Variants in SPATA16 observed in about 807,000 individuals in gnomAD.
The protein encoded by SPATA16 is spermatogenesis-associated protein 16.
A neutral mutation model predicts 63.3 loss-of-function variants in SPATA16; 36 were observed. That is an observed-to-expected ratio of 0.57 (90% CI 0.44 to 0.75). SPATA16 has a LOEUF of 0.75. Among genes scored for constraint, SPATA16 ranks in the 30% least tolerant of loss-of-function variants. SPATA16 has a pLI of 0.00. For synonymous variants in SPATA16, 203 were observed against 216.7 expected (o/e 0.94, Z 0.56); for missense variants, 646 against 679.3 (o/e 0.95, Z 0.54).
rs535078817 is a variant in SPATA16, at chr3:173,076,168, T to C, written c.613-27074A>G. ...AACTAGTATGGTGTATTTCTATTTA[T>C]ATGTTACCCATGTTACTTTTAAGTT... On this transcript the variant is annotated intron_variant, in intron 2 of 10. Transcript: ENST00000351008. Among the ~76,000 whole-genome samples, 6 of 152,260 alleles carry C rather than the reference T, an allele frequency of 3.9e-5. No homozygotes were observed. In the East Asian group the frequency reaches 7.7e-4, roughly 20 times the overall value.
At chr3:172,932,606 A>C (rs1436009069) in intron 6 of SPATA16, among the ~76,000 whole-genome samples, 1 of 152,192 alleles carries the variant, frequency 6.6e-6, no homozygotes, top group Non-Finnish European at 1.5e-5. Context: ...CTTGGAAGTT[A>C]TCCACAAATT....
chr3:172,935,492 T>C (rs966827879), intron 6 of SPATA16, among the ~76,000 whole-genome samples: 5 of 152,202 alleles, frequency 3.3e-5, no homozygotes, highest in Non-Finnish European at 7.3e-5. Flanking sequence ...TTTTGATAAA[T>C]AATTTGATTA....
At chr3:173,022,108 G>A (rs1158361555) in intron 3 of SPATA16, among the ~76,000 whole-genome samples, 2 of 151,980 alleles carry the variant, frequency 1.3e-5, no homozygotes, top group Non-Finnish European at 2.9e-5. Flanking sequence ...AGGCAGAGAA[G>A]ATTTTTGTGA....
rs1736878961 is a variant in SPATA16, at chr3:173,079,491, T to C, written c.613-30397A>G. Among the ~76,000 whole-genome samples the C allele has an allele frequency of 2.0e-5, 3 of 152,234 alleles. No homozygotes were observed. The South Asian group carries it at 6.2e-4, about 31-fold the overall frequency. On this transcript the variant is annotated intron_variant, in intron 2 of 10. Transcript: ENST00000351008. ...GGTTACATAAATTGTATTTCTTACT[T>C]TTTAAATGCAATATGGAAGTAAAAG... is the stretch of plus-strand genomic sequence containing the variant.
chr3:173,017,393 G>A (rs958318625), intron 4 of SPATA16, among the ~76,000 whole-genome samples: 12 of 152,262 alleles, frequency 7.9e-5, no homozygotes, highest in Middle Eastern at 6.8e-3. Flanking sequence ...ATTTCACAGG[G>A]CAAATATTGA....
chr3:173,135,050 T>G (rs1411676228), intron 1 of SPATA16, among the ~76,000 whole-genome samples: 1 of 152,182 alleles, frequency 6.6e-6, no homozygotes, highest in Non-Finnish European at 1.5e-5. Context: ...AAAGAAAATA[T>G]CTGTAGTACA....
chr3:173,050,707 G>T (rs1404549066), intron 2 of SPATA16, among the ~76,000 whole-genome samples: 1 of 151,848 alleles, frequency 6.6e-6, no homozygotes, highest in Admixed American at 6.6e-5. Context: ...TTGGAAAAGT[G>T]TCCACTTTTA....
chr3:173,098,970 C>T (rs1394913590), intron 2 of SPATA16, among the ~76,000 whole-genome samples: 4 of 152,096 alleles, frequency 2.6e-5, no homozygotes, highest in African/African-American at 9.7e-5. Flanking sequence ...ACCAACCAAA[C>T]AAACAAAAAA....
At chr3:173,043,301 T>A (rs1735887666) in intron 3 of SPATA16, among the ~76,000 whole-genome samples, 1 of 152,048 alleles carries the variant, frequency 6.6e-6, no homozygotes, top group African/African-American at 2.4e-5. Flanking sequence ...TTAAGTCAAT[T>A]ATTGGCTTTC....
intron 3 of SPATA16, among the ~76,000 whole-genome samples, chr3:173,044,998 A>G (rs1225755796): frequency 6.6e-6 from 1 of 152,076 alleles, no homozygotes; most frequent in Non-Finnish European, 1.5e-5. Context: ...TAATACTCCA[A>G]CATTTCCAAG....
intron 10 of SPATA16, among the ~76,000 whole-genome samples, chr3:172,910,245 C>T (rs946178770): frequency 6.6e-6 from 1 of 151,990 alleles, no homozygotes; most frequent in African/African-American, 2.4e-5. Context: ...AGGCATGTGC[C>T]AACACACCTG....
intron 4 of SPATA16, among the ~76,000 whole-genome samples, chr3:172,997,242 A>G (rs530780431): frequency 3.0e-4 from 46 of 152,052 alleles, no homozygotes; most frequent in Admixed American, 7.2e-4. Context: ...TGGCTGTACC[A>G]TTTTGCATTC....
chr3:173,077,147 G>C (rs1009187223), intron 2 of SPATA16, among the ~76,000 whole-genome samples: 3 of 152,106 alleles, frequency 2.0e-5, no homozygotes, highest in African/African-American at 4.8e-5. Context: ...CTCATAAATA[G>C]CTAAGGAAGA....
At chr3:172,952,407 C>T (rs58817584) in intron 6 of SPATA16, among the ~76,000 whole-genome samples, 10,067 of 152,048 alleles carry the variant, frequency 0.066, 396 homozygotes, top group Non-Finnish European at 0.077. Context: ...CGGAGGGTGA[C>T]CATCTACATG....
At chr3:173,106,685 A>G (rs917700105) in intron 2 of SPATA16, among the ~76,000 whole-genome samples, 1 of 151,958 alleles carries the variant, frequency 6.6e-6, no homozygotes, top group African/African-American at 2.4e-5. Flanking sequence ...TTTTATGATA[A>G]TGTCTTTCTC....
At chr3:173,072,896 A>C (rs1736706737) in intron 2 of SPATA16, among the ~76,000 whole-genome samples, 1 of 152,238 alleles carries the variant, frequency 6.6e-6, no homozygotes, top group African/African-American at 2.4e-5. Context: ...GGAACTTCCT[A>C]GAGACTTACT....
rs145030009 is a variant in SPATA16, at chr3:172,939,504, T to C, written c.1082-14012A>G. On this transcript the variant is annotated intron_variant, in intron 6 of 10. Coordinates refer to ENST00000351008, the MANE Select transcript of SPATA16 (RefSeq NM_031955.6). ...CCCTGGCTGCAAACCCAAAATCTTA[T>C]GCAAATGAATAGGTAAAATGTGGTG... Among the ~76,000 whole-genome samples, 238 of 152,180 alleles carry C rather than the reference T, an allele frequency of 1.6e-3. 1 individual carries two copies. Among genetic ancestry groups the C allele is most frequent in the African/African-American group, 5.2e-3 (216 of 41,480 alleles).
chr3:172,948,490 C>T (rs553283597), intron 6 of SPATA16, among the ~76,000 whole-genome samples: 4 of 152,066 alleles, frequency 2.6e-5, no homozygotes, highest in Non-Finnish European at 5.9e-5. Context: ...TTTTTTGAGA[C>T]AGGGTCTTGC....
At chr3:173,008,524 ATTAC>A (rs957459904) in intron 4 of SPATA16, among the ~76,000 whole-genome samples, 3 of 152,340 alleles carry the variant, frequency 2.0e-5, no homozygotes, top group Admixed American at 2.0e-4. Context: ...TGCAAATGAT[ATTAC>A]TTGTTTAAAA....
Sources: allele counts gnomAD v4.1 joint callset (sites outside exome capture counted in the v4.1 genomes callset), GRCh38; gene constraint gnomAD v4.1.1; transcripts MANE v1.5; gene names NCBI Gene and HGNC (gene_info 2026-07-23, HGNC 2026-07-21).